Variants in SYN3 observed in about 807,000 individuals in gnomAD.
SYN3 encodes synapsin III, also known as synapsin-3.
A neutral mutation model predicts 65.8 loss-of-function variants in SYN3; 35 were observed. That is an observed-to-expected ratio of 0.53 (90% CI 0.41 to 0.70). The LOEUF is 0.70. SYN3 is among the 30% of genes least tolerant of loss of function. The pLI, the probability that SYN3 is intolerant of heterozygous loss-of-function variation, is 0.00. For missense variants in SYN3, 680 were observed against 749.0 expected, an observed-to-expected ratio of 0.91 and a Z score of 1.08; for synonymous variants, 270 against 292.9, an observed-to-expected ratio of 0.92 and a Z score of 0.80.
chr22:32,877,183 G>A (rs1273480903), intron 4 of SYN3, among the ~76,000 whole-genome samples: 1 of 152,132 alleles, frequency 6.6e-6, no homozygotes, highest in African/African-American at 2.4e-5. Flanking sequence ...TAAGTGTGAA[G>A]CCCCCAGATC....
chr22:32,955,177 G>T (rs1040142122), intron 3 of SYN3, among the ~76,000 whole-genome samples: 4 of 152,032 alleles, frequency 2.6e-5, no homozygotes, highest in Non-Finnish European at 5.9e-5. Context: ...TCCTACTACT[G>T]GGACCTCCAA....
At chr22:33,033,131 C>A (rs1375023719) in intron 1 of SYN3, among the ~76,000 whole-genome samples, 1 of 152,020 alleles carries the variant, frequency 6.6e-6, no homozygotes, top group Non-Finnish European at 1.5e-5. Flanking sequence ...CAGGCACCCA[C>A]CACCACGCCC....
chr22:32,900,325 T>C (rs1190678896), intron 4 of SYN3, among the ~76,000 whole-genome samples: 1 of 152,192 alleles, frequency 6.6e-6, no homozygotes, highest in Non-Finnish European at 1.5e-5. Flanking sequence ...CCTCTTCATC[T>C]TTTCAGCCCT....
Position 32,527,991 on chromosome 22 carries a change from TTTAATC to T in SYN3, c.1239_1244del (p.Ile414_Lys415del). On this transcript the variant is annotated inframe_deletion, in exon 12 of 14. Coordinates refer to ENST00000358763, the MANE Select transcript of SYN3 (RefSeq NM_003490.4). ...GGGCTTGCCCTGGGGATTTCGCTGA[TTTAATC>T]TGTGGAGCCTAGAGCAGAAGAGAAA... 1 of 1,583,216 alleles carries T rather than the reference TTTAATC, an allele frequency of 6.3e-7. No homozygotes were observed. The highest frequency in any genetic ancestry group is 8.6e-7 in the Non-Finnish European group (1 of 1,163,158).
At chr22:32,679,839 C>CTGTTTTTTTTTTTTTTTTT (rs2060497511) in intron 6 of SYN3, among the ~76,000 whole-genome samples, 1 of 39,150 alleles carries the variant, frequency 2.6e-5, no homozygotes, top group Non-Finnish European at 4.6e-5. Flanking sequence ...TGTTTTTTGG[C>CTGTTTTTTTTTTTTTTTTT]TTTTTTTTTT....
intron 6 of SYN3, among the ~76,000 whole-genome samples, chr22:32,607,539 C>T (rs995219402): frequency 1.3e-5 from 2 of 152,098 alleles, no homozygotes; most frequent in African/African-American, 4.8e-5. Flanking sequence ...GTCTCCCTGC[C>T]CAGCCTCGAG....
chr22:32,759,757 C>A (rs1219282066), intron 6 of SYN3, among the ~76,000 whole-genome samples: 1 of 113,376 alleles, frequency 8.8e-6, no homozygotes, highest in Non-Finnish European at 1.9e-5. Context: ...CAGCACCCAC[C>A]CAGCCCCAGT....
At chr22:32,777,195 C>T (rs1259438824) in intron 6 of SYN3, among the ~76,000 whole-genome samples, 7 of 152,112 alleles carry the variant, frequency 4.6e-5, no homozygotes, top group African/African-American at 9.7e-5. Context: ...AGTGACCCAT[C>T]GAAGACCACA....
intron 6 of SYN3, among the ~76,000 whole-genome samples, chr22:32,751,618 G>A (rs1394985629): frequency 1.3e-5 from 2 of 152,202 alleles, no homozygotes; most frequent in Non-Finnish European, 2.9e-5. Context: ...GGTGTTGACA[G>A]CAGTGGGATA....
chr22:32,910,863 T>A (rs1416485368), intron 4 of SYN3, among the ~76,000 whole-genome samples: 3 of 152,190 alleles, frequency 2.0e-5, no homozygotes, highest in African/African-American at 7.2e-5. Context: ...CTAGATTTTA[T>A]CTAACCTTTA....
intron 6 of SYN3, among the ~76,000 whole-genome samples, chr22:32,636,526 G>A (rs936639576): frequency 1.3e-5 from 2 of 152,190 alleles, no homozygotes; most frequent in African/African-American, 4.8e-5. Context: ...CCCATGACGG[G>A]CCATTGCTAG....
intron 6 of SYN3, among the ~76,000 whole-genome samples, chr22:32,601,714 C>A (rs1773229958): frequency 6.6e-6 from 1 of 152,156 alleles, no homozygotes; most frequent in Non-Finnish European, 1.5e-5. Flanking sequence ...CCTTTGAAAC[C>A]AAAGAGGGGA....
intron 6 of SYN3, among the ~76,000 whole-genome samples, chr22:32,716,562 ACT>A (rs1407308071): frequency 6.6e-6 from 1 of 151,786 alleles, no homozygotes; most frequent in African/African-American, 2.4e-5. Context: ...ACAGATTCTC[ACT>A]CTGTCACCCA....
At chr22:32,599,562 C>A (rs1320139549) in intron 6 of SYN3, among the ~76,000 whole-genome samples, 1 of 151,910 alleles carries the variant, frequency 6.6e-6, no homozygotes, top group African/African-American at 2.4e-5. Context: ...ACCTCGTGAT[C>A]CGCCCGCCTC....
At chr22:32,825,099 G>A (rs2047363099) in intron 6 of SYN3, among the ~76,000 whole-genome samples, 1 of 152,110 alleles carries the variant, frequency 6.6e-6, no homozygotes, top group South Asian at 2.1e-4. Context: ...TTTCGGGTTT[G>A]GTAAACAGCT....
chr22:32,572,943 C>T lies in SYN3; in HGVS notation c.774+23731G>A, dbSNP rs2058799526. ...AGGGGGCTCGACTCAAGAACACCAA[C>T]CATGGATAAGGGCTGGAAGCAATGG... is the stretch of plus-strand genomic sequence containing the variant. On this transcript the variant is annotated intron_variant, in intron 7 of 13. Coordinates refer to ENST00000358763, the MANE Select transcript of SYN3 (RefSeq NM_003490.4). Among the ~76,000 whole-genome samples the T allele has an allele frequency of 2.6e-5, 4 of 152,200 alleles. No individual in the cohort carries two copies. The South Asian group carries it at 6.2e-4, about 24-fold the overall frequency.
chr22:32,643,287 C>T (rs1569117787), intron 6 of SYN3, among the ~76,000 whole-genome samples: 1 of 152,010 alleles, frequency 6.6e-6, no homozygotes, highest in Non-Finnish European at 1.5e-5. Context: ...ACCATGTTGG[C>T]CAAGCTGGTC....
chr22:32,909,208 C>T (rs1329876758), intron 4 of SYN3, among the ~76,000 whole-genome samples: 1 of 152,190 alleles, frequency 6.6e-6, no homozygotes, highest in Non-Finnish European at 1.5e-5. Context: ...TCATACTCCA[C>T]CTCTGTTCTC....
chr22:32,732,383 C>T (rs1028173545), intron 6 of SYN3, among the ~76,000 whole-genome samples: 1 of 152,184 alleles, frequency 6.6e-6, no homozygotes, highest in Non-Finnish European at 1.5e-5. Context: ...AGTACCTTCA[C>T]CATTATTGTG....
Sources: gnomAD v4.1 joint callset for allele counts (sites outside exome capture counted in the v4.1 genomes callset) on GRCh38, gnomAD v4.1.1 for gene constraint, MANE v1.5 for transcripts, NCBI Gene and HGNC (gene_info 2026-07-23, HGNC 2026-07-21) for gene names.